Variants in PPFIA2 observed in about 807,000 individuals in gnomAD.
The protein encoded by PPFIA2 is liprin-alpha-2.
Under a neutral mutation model 175.5 loss-of-function variants are expected in PPFIA2, and 46 were observed. That is an observed-to-expected ratio of 0.26 (90% CI 0.21 to 0.34). PPFIA2 has a LOEUF of 0.34. Ranked by LOEUF, PPFIA2 falls within the 10% of genes least tolerant of loss-of-function variation. The pLI, the probability that PPFIA2 is intolerant of heterozygous loss-of-function variation, is 1.00. For synonymous variants in PPFIA2, 568 were observed against 511.4 expected, an observed-to-expected ratio of 1.11 and a Z score of -1.49; for missense variants, 1,179 against 1,506.1, an observed-to-expected ratio of 0.78 and a Z score of 3.60.
chr12:81,297,616 G>A (rs1012394018), intron 23 of PPFIA2, among the ~76,000 whole-genome samples: 1 of 152,158 alleles, frequency 6.6e-6, no homozygotes, highest in Non-Finnish European at 1.5e-5. Context: ...AACTCAAACT[G>A]TTCAAAATAA....
chr12:81,609,604 T>A (rs2060682228), intron 4 of PPFIA2, among the ~76,000 whole-genome samples: 1 of 152,140 alleles, frequency 6.6e-6, no homozygotes, highest in South Asian at 2.1e-4. Flanking sequence ...CGCTTTCTCT[T>A]TTTTGTTTTC....
intron 3 of PPFIA2, among the ~76,000 whole-genome samples, chr12:81,712,397 TG>T (rs1012496093): frequency 3.8e-4 from 57 of 151,396 alleles, no homozygotes; most frequent in African/African-American, 1.2e-3. Flanking sequence ...ATATTTTTTC[TG>T]TATGGCAGGA....
At chr12:81,392,127 C>T (rs528931487) in intron 8 of PPFIA2, among the ~76,000 whole-genome samples, 6 of 151,950 alleles carry the variant, frequency 3.9e-5, no homozygotes, top group African/African-American at 1.4e-4. Context: ...TGAAAAATTA[C>T]GTTGGCTTAG....
At chr12:81,606,052 T>C (rs1211499317) in intron 4 of PPFIA2, among the ~76,000 whole-genome samples, 1 of 151,970 alleles carries the variant, frequency 6.6e-6, no homozygotes, top group African/African-American at 2.4e-5. Context: ...CTTCCACTTG[T>C]AAGTGAGAAA....
At chr12:81,414,162 C>G (rs186578955) in intron 7 of PPFIA2, among the ~76,000 whole-genome samples, 2 of 151,744 alleles carry the variant, frequency 1.3e-5, no homozygotes, top group African/African-American at 2.4e-5. Flanking sequence ...AGGTCTGATT[C>G]CTTCAAAACA....
chr12:81,396,193 C>T (rs1395173087), intron 8 of PPFIA2, among the ~76,000 whole-genome samples: 1 of 151,958 alleles, frequency 6.6e-6, no homozygotes, highest in African/African-American at 2.4e-5. Flanking sequence ...TATTCTTGAA[C>T]ACGTATTTAT....
chr12:81,382,642 G>C (rs1428243284), intron 9 of PPFIA2, among the ~76,000 whole-genome samples: 1 of 152,140 alleles, frequency 6.6e-6, no homozygotes, highest in Admixed American at 6.6e-5. Flanking sequence ...AGATCTTAAG[G>C]ACAGCTTCAA....
chr12:81,706,680 G>T (rs1344185187), intron 3 of PPFIA2, among the ~76,000 whole-genome samples: 2 of 152,072 alleles, frequency 1.3e-5, no homozygotes, highest in Non-Finnish European at 2.9e-5. Context: ...CAGGGGTCAG[G>T]GGTCAGGGAC....
intron 4 of PPFIA2, among the ~76,000 whole-genome samples, chr12:81,599,003 CAA>C (rs779934802): frequency 1.8e-4 from 27 of 152,046 alleles, no homozygotes; most frequent in Non-Finnish European, 3.2e-4. Flanking sequence ...ATTTTCAACT[CAA>C]AAATCCAAAA....
chr12:81,614,628 T>C (rs1316926924), intron 4 of PPFIA2, among the ~76,000 whole-genome samples: 1 of 152,176 alleles, frequency 6.6e-6, no homozygotes, highest in Non-Finnish European at 1.5e-5. Context: ...CTTACCTTGC[T>C]AGCAAATACA....
rs189846933 is a variant in PPFIA2, at chr12:81,659,831, C to A, written c.303+16960G>T. Among the ~76,000 whole-genome samples the A allele has an allele frequency of 2.4e-4, 36 of 152,252 alleles. No individual in the cohort carries two copies. In the East Asian group the frequency reaches 6.4e-3, roughly 27 times the overall value. ...AGTACGGGCAGACTGACACCTCACACGGCCGGGTACCCCTCTGAGACAAAA... is the reference window on the plus strand; with the variant it reads ...AGTACGGGCAGACTGACACCTCACAAGGCCGGGTACCCCTCTGAGACAAAA... On this transcript the variant is annotated intron_variant, in intron 4 of 32. Coordinates refer to ENST00000549396, the MANE Select transcript of PPFIA2 (RefSeq NM_003625.5).
At chr12:81,441,748 A>G (rs2050214232) in intron 6 of PPFIA2, among the ~76,000 whole-genome samples, 1 of 152,142 alleles carries the variant, frequency 6.6e-6, no homozygotes, top group Non-Finnish European at 1.5e-5. Context: ...GATGTTTAAC[A>G]GGGATTCCCA....
intron 4 of PPFIA2, among the ~76,000 whole-genome samples, chr12:81,523,379 A>C (rs374324421): frequency 6.6e-6 from 1 of 151,698 alleles, no homozygotes; most frequent in Non-Finnish European, 1.5e-5. Context: ...TAATCTTCAC[A>C]TGGTTGACCC....
Position 81,299,289 on chromosome 12 carries a change from T to G in PPFIA2, c.2724+12A>C. 1 of 1,583,208 alleles carries G rather than the reference T, an allele frequency of 6.3e-7. No homozygotes were observed. The highest frequency in any genetic ancestry group is 8.6e-7 in the Non-Finnish European group (1 of 1,163,408). ...TGATTGATTCAAGGGCCTCCTAGTT[T>G]CATTCTCTTACCTCTAGCCATGCGA... is the stretch of plus-strand genomic sequence containing the variant. On this transcript the variant is annotated intron_variant, in intron 23 of 32. Transcript: ENST00000549396.
chr12:81,550,887 G>T (rs1034407288), intron 4 of PPFIA2, among the ~76,000 whole-genome samples: 5 of 151,896 alleles, frequency 3.3e-5, no homozygotes, highest in African/African-American at 1.2e-4. Flanking sequence ...GTCTCAGAAG[G>T]AAATTGGAAG....
At chr12:81,649,367 GAT>G (rs1212441658) in intron 4 of PPFIA2, among the ~76,000 whole-genome samples, 17 of 152,244 alleles carry the variant, frequency 1.1e-4, no homozygotes, top group African/African-American at 4.1e-4. Context: ...AACTGAATAA[GAT>G]ATGACATATC....
chr12:81,637,357 G>A (rs2064243041), intron 4 of PPFIA2, among the ~76,000 whole-genome samples: 1 of 140,610 alleles, frequency 7.1e-6, no homozygotes, highest in Non-Finnish European at 1.5e-5. Flanking sequence ...GCCCGCCTCG[G>A]CCTCCCAAAC....
At chr12:81,323,749 A>C (rs1299423879) in intron 22 of PPFIA2, among the ~76,000 whole-genome samples, 1 of 152,068 alleles carries the variant, frequency 6.6e-6, no homozygotes, top group Non-Finnish European at 1.5e-5. Flanking sequence ...CATTATATGA[A>C]GACAACTTAC....
At chr12:81,547,651 C>A (rs547463825) in intron 4 of PPFIA2, among the ~76,000 whole-genome samples, 2 of 152,170 alleles carry the variant, frequency 1.3e-5, no homozygotes, top group Non-Finnish European at 2.9e-5. Flanking sequence ...GAAGAAGTAA[C>A]AAAGAGTTAG....
Sources: allele counts gnomAD v4.1 joint callset (sites outside exome capture counted in the v4.1 genomes callset), GRCh38; gene constraint gnomAD v4.1.1; transcripts MANE v1.5; gene names NCBI Gene and HGNC (gene_info 2026-07-23, HGNC 2026-07-21).